Variants in DIO2 observed in about 807,000 individuals in gnomAD.
DIO2 encodes iodothyronine deiodinase 2, also known as type II iodothyronine deiodinase.
Under a neutral mutation model 21.4 loss-of-function variants are expected in DIO2, and 19 were observed. The ratio of observed to expected loss-of-function variants is 0.89; its 90% CI spans 0.62 to 1.30. DIO2 has a LOEUF of 1.30. DIO2 is among the 50% of genes most tolerant of loss of function. The probability of loss-of-function intolerance (pLI) is 0.00; values close to 1 mark genes in which losing one functional copy is unlikely to be tolerated. For missense variants in DIO2, 302 were observed against 338.1 expected (o/e 0.89, Z 0.84); for synonymous variants, 122 against 132.9 (o/e 0.92, Z 0.57).
rs1566658913 is a variant in DIO2, at chr14:80,201,557, T to C, written c.*1132A>G. The C allele has an allele frequency of 6.6e-6, 1 of 152,142 alleles. No homozygotes were observed. The highest frequency in any genetic ancestry group is 1.5e-5 in the Non-Finnish European group (1 of 68,064). 9.4% of individuals were successfully genotyped at this position (152,142 alleles called of 1,614,324 possible). On this transcript the variant is annotated 3_prime_UTR_variant, in exon 2 of 2. Coordinates refer to ENST00000438257, the MANE Select transcript of DIO2 (RefSeq NM_013989.5). ...TCAGCTCAGCATTCAGAGAGAACAC[T>C]GCTATAGAGACCAAGATTAGGAATG...
intron 1 of DIO2, among the ~76,000 whole-genome samples, chr14:80,205,268 A>C (rs1887903039): frequency 6.6e-6 from 1 of 152,062 alleles, no homozygotes; most frequent in Non-Finnish European, 1.5e-5. Flanking sequence ...TTGAAATAAT[A>C]GTAATGATTC....
chr14:80,211,291 C>A lies in DIO2; in HGVS notation c.182G>T (p.Arg61Leu), dbSNP rs571944276. The change falls in exon 1 of 2, where the codon CGC becomes CTC. Residue 61 changes from arginine (R) to leucine (L), a missense_variant. Physicochemically the swap from Arg to Leu is moderately radical, Grantham distance 102. Transcript: ENST00000438257. Reference sequence around the variant, plus strand: ...GAGGAGGAAGCTCTTCCAGACGCAGCGCAGTCCCTCTGAGGTCAGCATGCG... The same window carrying A: ...GAGGAGGAAGCTCTTCCAGACGCAGAGCAGTCCCTCTGAGGTCAGCATGCG... Reference protein sequence around the residue: ...WRRMLTSEGLRCVWKSFLLDA... With the variant: ...WRRMLTSEGLLCVWKSFLLDA... 5 of 1,612,854 alleles carry A rather than the reference C, an allele frequency of 3.1e-6. No individual in the cohort carries two copies. The highest frequency in any genetic ancestry group is 4.2e-6 in the Non-Finnish European group (5 of 1,179,850).
upstream of DIO2, among the ~76,000 whole-genome samples, chr14:80,215,814 A>G (rs1888337320): frequency 6.6e-6 from 1 of 152,232 alleles, no homozygotes; most frequent in African/African-American, 2.4e-5. Context: ...TCTGCCTGAC[A>G]GGGAGTTATG....
chr14:80,206,938 C>A (rs1295984878), intron 1 of DIO2, among the ~76,000 whole-genome samples: 1 of 152,166 alleles, frequency 6.6e-6, no homozygotes, highest in African/African-American at 2.4e-5. Flanking sequence ...AATGCCCAAA[C>A]ACAAGAAGCA....
intron 1 of DIO2, chr14:80,206,414 T>C: frequency 1.3e-6 from 1 of 764,086 alleles, no homozygotes; most frequent in Non-Finnish European, 2.1e-6. Flanking sequence ...TAAAAGGATA[T>C]TACTGTTCAT....
chr14:80,211,594 G>GCCCC, upstream of DIO2: 1 of 443,740 alleles, frequency 2.3e-6, no homozygotes, highest in Non-Finnish European at 4.0e-6. Context: ...GGTTGGGGGA[G>GCCCC]AAGGGGAAAA....
upstream of DIO2, among the ~76,000 whole-genome samples, chr14:80,213,112 C>A (rs1232370561): frequency 1.3e-5 from 2 of 152,178 alleles, no homozygotes; most frequent in Non-Finnish European, 2.9e-5. Flanking sequence ...TAAGAGCCGA[C>A]TGAATTGGTT....
chr14:80,213,288 C>A (rs370526720), upstream of DIO2, among the ~76,000 whole-genome samples: 2 of 152,142 alleles, frequency 1.3e-5, no homozygotes, highest in Non-Finnish European at 2.9e-5. Context: ...GTGATAGATA[C>A]TGAGTTTTAG....
In DIO2 at chr14:80,202,639, T is replaced by C. The variant is rs749319264; in HGVS notation, c.*50A>G. The C allele has an allele frequency of 2.0e-6, 3 of 1,508,262 alleles. No individual in the cohort carries two copies. Among genetic ancestry groups the C allele is most frequent in the Non-Finnish European group, 2.7e-6 (3 of 1,127,846 alleles). 93.4% of individuals were successfully genotyped at this position (1,508,262 alleles called of 1,614,324 possible). On this transcript the variant is annotated 3_prime_UTR_variant, in exon 2 of 2. Coordinates refer to ENST00000438257, the MANE Select transcript of DIO2 (RefSeq NM_013989.5). ...AATATGGATTCAGTTCTTAATTTCC[T>C]TGCCTTTATATAACTTTTTAAAACA...
rs34013456 is a variant in DIO2, at chr14:80,203,311, A to G, written c.223-23T>C. ...CACCTGACGGTAAAAAAAAAAAAAA[A>G]GAAGAAGAAGAAGAAGGTGAGAATA... On this transcript the variant is annotated intron_variant, in intron 1 of 1. Coordinates refer to ENST00000438257, the MANE Select transcript of DIO2 (RefSeq NM_013989.5). The G allele has an allele frequency of 2.8e-5, 33 of 1,191,974 alleles. No homozygotes were observed. In the South Asian group the frequency reaches 5.0e-4, roughly 18 times the overall value. The allele number at this position is 1,191,974 out of a possible 1,614,324, so 73.8% of individuals were successfully genotyped here. A position where few individuals can be genotyped will look rare whatever the true frequency, so the allele number is the denominator to read the frequency against.
At chr14:80,228,095 C>A (rs1222279060) in intron 2 of DIO2, among the ~76,000 whole-genome samples, 1 of 152,220 alleles carries the variant, frequency 6.6e-6, no homozygotes, top group Non-Finnish European at 1.5e-5. Flanking sequence ...TGGATCCAAT[C>A]AGCATAATGT....
intron 2 of DIO2, among the ~76,000 whole-genome samples, chr14:80,230,747 G>C (rs957833947): frequency 5.3e-5 from 8 of 152,156 alleles, no homozygotes. Context: ...ATATTAAGCA[G>C]CTAACTCTAG....
chr14:80,204,591 G>A (rs1243204140), intron 1 of DIO2, among the ~76,000 whole-genome samples: 1 of 152,114 alleles, frequency 6.6e-6, no homozygotes, highest in Non-Finnish European at 1.5e-5. Flanking sequence ...AATAACATTA[G>A]GGACAATTTA....
chr14:80,206,785 G>C (rs1887973465), intron 1 of DIO2, among the ~76,000 whole-genome samples: 1 of 152,136 alleles, frequency 6.6e-6, no homozygotes, highest in Non-Finnish European at 1.5e-5. Context: ...TAGAGGGTTT[G>C]TGTTTGGTTT....
chr14:80,216,626 C>T (rs1006760245), intron 3 of DIO2: 1 of 152,004 alleles, frequency 6.6e-6, no homozygotes, highest in Non-Finnish European at 1.5e-5. Flanking sequence ...ATGGTGAATT[C>T]ATTCATGACC....
At chr14:80,213,791 G>A (rs1233955288), upstream of DIO2, among the ~76,000 whole-genome samples, 1 of 152,116 alleles carries the variant, frequency 6.6e-6, no homozygotes, top group Non-Finnish European at 1.5e-5. Flanking sequence ...CTTGTGCAAT[G>A]CCCTCTCTTG....
chr14:80,227,139 G>A (rs1238851579), intron 2 of DIO2, among the ~76,000 whole-genome samples: 2 of 152,180 alleles, frequency 1.3e-5, no homozygotes, highest in Non-Finnish European at 2.9e-5. Context: ...GGGCTGCAGT[G>A]CTGTAGCTGT....
intron 1 of DIO2, among the ~76,000 whole-genome samples, chr14:80,204,091 T>TC (rs1887856297): frequency 6.6e-6 from 1 of 152,154 alleles, no homozygotes; most frequent in African/African-American, 2.4e-5. Flanking sequence ...TTTGTTTTTT[T>TC]AAATGCCCTG....
upstream of DIO2, chr14:80,211,670 G>T: frequency 2.1e-6 from 1 of 469,242 alleles, no homozygotes; most frequent in South Asian, 2.4e-5. Flanking sequence ...GCAAGACTAA[G>T]TCCAGTCTCT....
Sources: allele counts gnomAD v4.1 joint callset (sites outside exome capture counted in the v4.1 genomes callset), GRCh38; gene constraint gnomAD v4.1.1; transcripts MANE v1.5; gene names NCBI Gene and HGNC (gene_info 2026-07-23, HGNC 2026-07-21).